The following SLC10A1 variants were observed in gnomAD, a reference collection of about 807,000 sequenced individuals.
SLC10A1 encodes the protein solute carrier family 10 member 1.
In SLC10A1, 36 loss-of-function variants were observed where a neutral mutation model predicts 20.5. That is an observed-to-expected ratio of 1.75 (90% confidence interval 1.34 to 2.32). The LOEUF is 2.32. Ranked by LOEUF, SLC10A1 falls within the 30% of genes most tolerant of loss-of-function variation. SLC10A1 has a pLI of 0.00. For synonymous variants in SLC10A1, 188 were observed against 163.6 expected (o/e 1.15, Z -1.14); for missense variants, 545 against 439.1 (o/e 1.24, Z -2.16).
At chr14:69,785,128 T>A (rs1745850380) in intron 2 of SLC10A1, among the ~76,000 whole-genome samples, 1 of 151,872 alleles carries the variant, frequency 6.6e-6, no homozygotes, top group African/African-American at 2.4e-5. Context: ...CAGGATGACC[T>A]CCTGGCCCTG....
At chr14:69,788,709 T>C (rs988566614) in intron 1 of SLC10A1, among the ~76,000 whole-genome samples, 1 of 151,782 alleles carries the variant, frequency 6.6e-6, no homozygotes, top group African/African-American at 2.4e-5. Context: ...CACGCCCGGC[T>C]AATTTTTTTT....
intron 1 of SLC10A1, among the ~76,000 whole-genome samples, chr14:69,787,134 C>A (rs1207195727): frequency 2.6e-5 from 4 of 152,192 alleles, no homozygotes; most frequent in Non-Finnish European, 5.9e-5. Context: ...CAGTCCCCAA[C>A]TCTGGTGTTC....
intron 1 of SLC10A1, among the ~76,000 whole-genome samples, chr14:69,791,087 A>G (rs577123343): frequency 6.6e-6 from 1 of 152,250 alleles, no homozygotes; most frequent in South Asian, 2.1e-4. Context: ...GAAATTACAA[A>G]CCTTTATAGA....
chr14:69,776,211 GC>G lies in SLC10A1; in HGVS notation c.*70del. On this transcript the variant is annotated 3_prime_UTR_variant, in exon 5 of 5. Coordinates refer to ENST00000216540, the MANE Select transcript of SLC10A1 (RefSeq NM_003049.4). ...CTCAGGCAAGACTGGTGTTTTTGCT[GC>G]TCTCTCTAGTTTACCACACTGGCTT... The G allele has an allele frequency of 9.2e-7, 1 of 1,083,588 alleles. No individual in the cohort carries two copies. The highest frequency in any genetic ancestry group is 1.4e-6 in the Non-Finnish European group (1 of 720,446). 67.1% of individuals were successfully genotyped at this position (1,083,588 alleles called of 1,614,324 possible). A position where few individuals can be genotyped will look rare whatever the true frequency, so the allele number is the denominator to read the frequency against.
At chr14:69,784,546 T>G (rs1025409270) in intron 2 of SLC10A1, among the ~76,000 whole-genome samples, 7 of 152,110 alleles carry the variant, frequency 4.6e-5, no homozygotes, top group Non-Finnish European at 8.8e-5. Flanking sequence ...TGAGGGGGAC[T>G]ACTCCTAAAA....
At chr14:69,780,776 C>G (rs756297407) in intron 2 of SLC10A1, among the ~76,000 whole-genome samples, 15 of 152,196 alleles carry the variant, frequency 9.9e-5, no homozygotes, top group Non-Finnish European at 2.1e-4. Context: ...GACTTATTAG[C>G]TAATGAACTT....
At chr14:69,781,477 C>T (rs974715215) in intron 2 of SLC10A1, among the ~76,000 whole-genome samples, 1 of 152,194 alleles carries the variant, frequency 6.6e-6, no homozygotes, top group Non-Finnish European at 1.5e-5. Context: ...CAGATTCTCT[C>T]ATTTAGGAAG....
At chr14:69,784,738 C>T (rs917390990) in intron 2 of SLC10A1, among the ~76,000 whole-genome samples, 1 of 150,762 alleles carries the variant, frequency 6.6e-6, no homozygotes, top group Non-Finnish European at 1.5e-5. Flanking sequence ...AGAGGGGAGG[C>T]TGCTGGGCCA....
chr14:69,796,429 T>C (rs1882386621), intron 1 of SLC10A1, among the ~76,000 whole-genome samples: 1 of 152,208 alleles, frequency 6.6e-6, no homozygotes, highest in African/African-American at 2.4e-5. Context: ...CACTACCTTT[T>C]AAATCTCTGG....
intron 2 of SLC10A1, among the ~76,000 whole-genome samples, chr14:69,781,065 C>G (rs3784153): frequency 0.38 from 57,503 of 152,010 alleles, 13,294 homozygotes; most frequent in African/African-American, 0.65. Flanking sequence ...GGGAAAGCTG[C>G]CTCTGCTAGT....
intron 1 of SLC10A1, among the ~76,000 whole-genome samples, chr14:69,795,601 C>T (rs1566639392): frequency 6.6e-6 from 1 of 151,974 alleles, no homozygotes; most frequent in Non-Finnish European, 1.5e-5. Flanking sequence ...TTTGTAGACA[C>T]AGGGTTTTGC....
chr14:69,775,544 GCGCC>G lies in SLC10A1; in HGVS notation c.*734_*737del, dbSNP rs1566633136. 1 of 152,112 alleles carries G rather than the reference GCGCC, an allele frequency of 6.6e-6. No homozygotes were observed. The highest frequency in any genetic ancestry group is 1.5e-5 in the Non-Finnish European group (1 of 68,038). 9.4% of individuals were successfully genotyped at this position (152,112 alleles called of 1,614,324 possible). Reference sequence around the variant, plus strand: ...TAGTTTGCTGTACCCAGTTTTGGGGGCGCCTTGTGTTAAAACCAAATACCTACTG... The same window carrying G: ...TAGTTTGCTGTACCCAGTTTTGGGGGTTGTGTTAAAACCAAATACCTACTG... On this transcript the variant is annotated 3_prime_UTR_variant, in exon 5 of 5. Transcript: ENST00000216540.
At chr14:69,793,712 C>G (rs1418612370) in intron 1 of SLC10A1, among the ~76,000 whole-genome samples, 1 of 152,130 alleles carries the variant, frequency 6.6e-6, no homozygotes, top group Non-Finnish European at 1.5e-5. Flanking sequence ...GCCATTGGCT[C>G]TGGGCTCTGC....
chr14:69,790,737 C>A (rs1367315100), intron 1 of SLC10A1, among the ~76,000 whole-genome samples: 4 of 151,850 alleles, frequency 2.6e-5, no homozygotes, highest in Admixed American at 2.6e-4. Context: ...CAAAGATAGT[C>A]ATTATTATTA....
At chr14:69,785,089 G>T (rs145597518) in intron 2 of SLC10A1, among the ~76,000 whole-genome samples, 312 of 152,262 alleles carry the variant, frequency 2.0e-3, no homozygotes, top group African/African-American at 7.2e-3. Flanking sequence ...TGGTACAGGA[G>T]GTCAGGAGGT....
chr14:69,795,865 T>C (rs1348575870), intron 1 of SLC10A1, among the ~76,000 whole-genome samples: 2 of 152,152 alleles, frequency 1.3e-5, no homozygotes, highest in Non-Finnish European at 2.9e-5. Flanking sequence ...TCTGCTGCTA[T>C]ACCTGGCATT....
chr14:69,789,253 C>T (rs2139719581), intron 1 of SLC10A1, among the ~76,000 whole-genome samples: 1 of 152,304 alleles, frequency 6.6e-6, no homozygotes, highest in East Asian at 1.9e-4. Flanking sequence ...AAAAACTTGC[C>T]TGTGAGCTTC....
chr14:69,790,353 G>C (rs1883809302), intron 1 of SLC10A1, among the ~76,000 whole-genome samples: 1 of 152,098 alleles, frequency 6.6e-6, no homozygotes, highest in Non-Finnish European at 1.5e-5. Context: ...AAGTTAATAT[G>C]ATCTTGGAAC....
Position 69,786,321 on chromosome 14 carries a change from T to A in SLC10A1, c.357-14A>T. 1 of 1,609,624 alleles carries A rather than the reference T, an allele frequency of 6.2e-7. No individual in the cohort carries two copies. Among genetic ancestry groups the A allele is most frequent in the Non-Finnish European group, 8.5e-7 (1 of 1,176,142 alleles). On this transcript the variant is annotated splice_polypyrimidine_tract_variant and intron_variant, in intron 1 of 4. Transcript: ENST00000216540. ...GTCATCACAATGCTGGTGGGAGACATGGGAAGAGGGGAGAGAGAGAGAGCC... is the reference window on the plus strand; with the variant it reads ...GTCATCACAATGCTGGTGGGAGACAAGGGAAGAGGGGAGAGAGAGAGAGCC...
Sources: allele counts gnomAD v4.1 joint callset (sites outside exome capture counted in the v4.1 genomes callset), GRCh38; gene constraint gnomAD v4.1.1; transcripts MANE v1.5; gene names NCBI Gene and HGNC (gene_info 2026-07-23, HGNC 2026-07-21).